Variants in FBXL7 observed in about 807,000 individuals in gnomAD.
The protein encoded by FBXL7 is F-box and leucine rich repeat protein 7, also known as F-box/LRR-repeat protein 7.
Under a neutral mutation model 38.3 loss-of-function variants are expected in FBXL7, and 12 were observed. That is an observed-to-expected ratio of 0.31 (90% CI 0.20 to 0.51). FBXL7 has a LOEUF of 0.51. Ranked by LOEUF, FBXL7 falls within the 20% of genes least tolerant of loss-of-function variation. The pLI is 0.98. For synonymous variants in FBXL7, 297 were observed against 300.9 expected, an observed-to-expected ratio of 0.99 and a Z score of 0.13; for missense variants, 567 against 676.4, an observed-to-expected ratio of 0.84 and a Z score of 1.79.
intron 2 of FBXL7, among the ~76,000 whole-genome samples, chr5:15,787,471 C>T (rs1333899751): frequency 6.6e-6 from 1 of 152,084 alleles, no homozygotes; most frequent in Non-Finnish European, 1.5e-5. Flanking sequence ...AGAGCCATGA[C>T]AGAGGAGGAT....
At chr5:15,891,161 TCA>T (rs1164102427) in intron 2 of FBXL7, among the ~76,000 whole-genome samples, 1 of 152,220 alleles carries the variant, frequency 6.6e-6, no homozygotes, top group African/African-American at 2.4e-5. Context: ...ATTTAATTCA[TCA>T]CTTGCTAATT....
intron 2 of FBXL7, among the ~76,000 whole-genome samples, chr5:15,727,515 T>C (rs1046787494): frequency 2.0e-5 from 3 of 152,194 alleles, no homozygotes; most frequent in African/African-American, 7.2e-5. Flanking sequence ...TTTTGTTTTT[T>C]AGTTTTTTAG....
chr5:15,578,627 C>T lies in FBXL7; in HGVS notation c.38-37356C>T, dbSNP rs141356985. The stretch of plus-strand genomic sequence containing the variant: ...TCCCTCATGAGATTTTCATGACCCC[C>T]CGTGATGCTACAAGGGATCCAAAAC... On this transcript the variant is annotated intron_variant, in intron 1 of 3. Coordinates refer to ENST00000504595, the MANE Select transcript of FBXL7 (RefSeq NM_012304.5). 3.7e-3 allele frequency among the ~76,000 whole-genome samples: 566 copies of T among 152,264 alleles called. 7 individuals are homozygous for T. The highest frequency in any genetic ancestry group is 0.013 in the African/African-American group (527 of 41,548).
intron 2 of FBXL7, among the ~76,000 whole-genome samples, chr5:15,635,467 G>C (rs1221698681): frequency 2.0e-5 from 3 of 152,210 alleles, no homozygotes; most frequent in Non-Finnish European, 2.9e-5. Flanking sequence ...GTTAGTCATA[G>C]CAGTCCCAGA....
At chr5:15,816,538 G>A (rs937721931) in intron 2 of FBXL7, among the ~76,000 whole-genome samples, 2 of 152,168 alleles carry the variant, frequency 1.3e-5, no homozygotes, top group African/African-American at 4.8e-5. Context: ...TTGGGTACAC[G>A]TACATGTAAT....
intron 2 of FBXL7, among the ~76,000 whole-genome samples, chr5:15,788,335 G>A (rs1399291151): frequency 6.6e-6 from 1 of 152,084 alleles, no homozygotes. Flanking sequence ...GCCTAGCCTG[G>A]AATTTGACAT....
chr5:15,803,822 A>C (rs1314169004), intron 2 of FBXL7, among the ~76,000 whole-genome samples: 8 of 152,190 alleles, frequency 5.3e-5, no homozygotes, highest in Admixed American at 5.2e-4. Flanking sequence ...GACTCTGTGC[A>C]AGTGAGGAAA....
intron 2 of FBXL7, among the ~76,000 whole-genome samples, chr5:15,915,387 G>A (rs895259974): frequency 6.6e-6 from 1 of 152,166 alleles, no homozygotes; most frequent in African/African-American, 2.4e-5. Context: ...GCAGCTCCTG[G>A]AAGCCCCAGA....
intron 2 of FBXL7, among the ~76,000 whole-genome samples, chr5:15,634,703 C>T (rs990461256): frequency 5.3e-5 from 8 of 152,144 alleles, no homozygotes; most frequent in Admixed American, 2.6e-4. Context: ...TCTGACAGTT[C>T]GGGAGGTCAG....
chr5:15,579,747 G>A (rs940377687), intron 1 of FBXL7, among the ~76,000 whole-genome samples: 6 of 152,258 alleles, frequency 3.9e-5, no homozygotes, highest in African/African-American at 1.4e-4. Context: ...GCTGAGAATG[G>A]CAGAACTGGA....
intron 2 of FBXL7, among the ~76,000 whole-genome samples, chr5:15,740,685 C>A (rs1735873310): frequency 6.6e-6 from 1 of 151,932 alleles, no homozygotes; most frequent in South Asian, 2.1e-4. Flanking sequence ...AAATCCTTAC[C>A]TTTTTTAAAA....
intron 2 of FBXL7, among the ~76,000 whole-genome samples, chr5:15,762,306 G>A (rs1736468869): frequency 6.6e-6 from 1 of 152,086 alleles, no homozygotes; most frequent in Admixed American, 6.5e-5. Flanking sequence ...GGAAGTTATA[G>A]CCTTTTATAA....
chr5:15,589,105 G>A (rs980734319), intron 1 of FBXL7, among the ~76,000 whole-genome samples: 2 of 152,178 alleles, frequency 1.3e-5, no homozygotes, highest in African/African-American at 2.4e-5. Context: ...GAAGAATAGC[G>A]AGAAACTCCA....
intron 1 of FBXL7, among the ~76,000 whole-genome samples, chr5:15,591,858 G>A (rs534926995): frequency 4.0e-4 from 61 of 152,140 alleles, no homozygotes; most frequent in African/African-American, 1.3e-3. Context: ...CTACAGGCAC[G>A]CACCACCACA....
In FBXL7 at chr5:15,655,338, A is replaced by G. The variant is rs149513526; in HGVS notation, c.127+39266A>G. 4.4e-3 allele frequency among the ~76,000 whole-genome samples: 663 copies of G among 152,210 alleles called. 4 individuals are homozygous for G. The highest frequency in any genetic ancestry group is 0.015 in the African/African-American group (633 of 41,534). On this transcript the variant is annotated intron_variant, in intron 2 of 3. Transcript: ENST00000504595. ...TGGTGAAACCCTGTGTCTACTAAAA[A>G]TACAAAAATTAATTGTGCATGGTGG...
intron 2 of FBXL7, among the ~76,000 whole-genome samples, chr5:15,852,184 A>G (rs1042879124): frequency 5.3e-5 from 8 of 152,216 alleles, no homozygotes; most frequent in African/African-American, 1.2e-4. Flanking sequence ...ATTGGTTACA[A>G]TGGAAACAGA....
rs922055675 is a variant in FBXL7, at chr5:15,806,359, A to G, written c.128-121531A>G. Among the ~76,000 whole-genome samples the G allele has an allele frequency of 2.0e-5, 3 of 152,210 alleles. No individual in the cohort carries two copies. The South Asian group carries it at 6.2e-4, about 32-fold the overall frequency. On this transcript the variant is annotated intron_variant, in intron 2 of 3. Coordinates refer to ENST00000504595, the MANE Select transcript of FBXL7 (RefSeq NM_012304.5). ...TCATCTCAAAATTACCTTCCCATGT[A>G]TCTGCTGCAATTAACTTTGACAAGT...
rs1579607072 is a variant in FBXL7, at chr5:15,925,931, T to C, written c.128-1959T>C. ...TCTGTTTTTTACTTTCAGTACAGTA[T>C]TCAATAAGTCACGTGAGATATTCAA... On this transcript the variant is annotated intron_variant, in intron 2 of 3. Coordinates refer to ENST00000504595, the MANE Select transcript of FBXL7 (RefSeq NM_012304.5). 2.0e-5 allele frequency among the ~76,000 whole-genome samples: 3 copies of C among 152,234 alleles called. No individual in the cohort carries two copies. The East Asian group carries it at 5.8e-4, about 29-fold the overall frequency.
In FBXL7 at chr5:15,500,707, A is replaced by G; in HGVS notation, c.31A>G (p.Ser11Gly). The change falls in exon 1 of 4, where the codon AGT (serine) becomes GGT (glycine). Residue 11 changes from serine (S) to glycine (G), a missense_variant. Ser to Gly is a moderately conservative substitution (Grantham distance 56, BLOSUM62 0). Coordinates refer to ENST00000504595, the MANE Select transcript of FBXL7 (RefSeq NM_012304.5). Reference sequence around the variant, plus strand: ...CGCGAACAATGGCAAACAGTACGGCAGTGAGGGTGAGTGGGCCGCCCGTCC... The same window carrying G: ...CGCGAACAATGGCAAACAGTACGGCGGTGAGGGTGAGTGGGCCGCCCGTCC... The part of the protein sequence containing the change: MGANNGKQYG[S>G]EGKGSSSISS... 7 of 1,607,822 alleles carry G rather than the reference A, an allele frequency of 4.4e-6. No individual in the cohort carries two copies. The highest frequency in any genetic ancestry group is 5.9e-6 in the Non-Finnish European group (7 of 1,176,826).
Sources: gnomAD v4.1 joint callset for allele counts (sites outside exome capture counted in the v4.1 genomes callset) on GRCh38, gnomAD v4.1.1 for gene constraint, MANE v1.5 for transcripts, NCBI Gene and HGNC (gene_info 2026-07-23, HGNC 2026-07-21) for gene names.